TMEM260: variants seen among roughly 807,000 people sequenced by gnomAD.
TMEM260 encodes the protein protein O-mannosyl-transferase TMEM260.
TMEM260 carries 82 observed loss-of-function variants against 88.9 expected under a neutral mutation model. That is an observed-to-expected ratio of 0.92 (90% CI 0.77 to 1.11). The LOEUF (loss-of-function observed/expected upper bound fraction) is 1.11, where lower values mean the gene tolerates loss of function less well. Among genes scored for constraint, TMEM260 ranks in the 50% least tolerant of loss-of-function variants. TMEM260 has a pLI of 0.00. For synonymous variants in TMEM260, 314 were observed against 309.3 expected, an observed-to-expected ratio of 1.02 and a Z score of -0.16; for missense variants, 902 against 853.4, an observed-to-expected ratio of 1.06 and a Z score of -0.71.
At chr14:56,636,279 CT>C (rs567476159) in intron 14 of TMEM260, among the ~76,000 whole-genome samples, 34 of 152,038 alleles carry the variant, frequency 2.2e-4, no homozygotes, top group Admixed American at 1.8e-3. Context: ...TAAGTGTAAG[CT>C]TTTTTTCTAA....
In TMEM260 at chr14:56,647,368, G is replaced by A. The variant is rs200433400; in HGVS notation, c.1995G>A (p.Ser665=). The change falls in exon 16 of 16, where the codon TCG becomes TCA. Residue 665 remains serine, a synonymous_variant. Transcript: ENST00000261556. ...ARDADPEVLL[S]ETIRHFRLYS... ...ATGCAGATCCTGAAGTGCTGTTATC[G>A]GAAACCATCAGACATTTCCGTCTGT... 5.7e-5 allele frequency: 92 copies of A among 1,614,010 alleles called. No individual in the cohort carries two copies. Among genetic ancestry groups the A allele is most frequent in the Non-Finnish European group, 7.1e-5 (84 of 1,180,038 alleles).
chr14:56,653,745 A>AAAAAAAAAAAAACAAC (rs1555343563), downstream of TMEM260, among the ~76,000 whole-genome samples: 5 of 137,366 alleles, frequency 3.6e-5, no homozygotes, highest in Admixed American at 8.1e-5. Context: ...CCAAAACAAA[A>AAAAAAAAAAAAACAAC]AAAAAAAAAA....
At chr14:56,647,180 GT>G in intron 15 of TMEM260, 62 bp from the exon 16 acceptor site, 13 of 1,506,056 alleles carry the variant, frequency 8.6e-6, no homozygotes, top group Non-Finnish European at 1.1e-5. Context: ...GTGTTTTTTT[GT>G]TTTTGAAAAA....
intron 5 of TMEM260, among the ~76,000 whole-genome samples, chr14:56,607,787 G>A (rs1338915284): frequency 6.6e-6 from 1 of 152,122 alleles, no homozygotes. Flanking sequence ...GATCTGGGGT[G>A]AGGCCCAGAC....
the TMEM260 span, among the ~76,000 whole-genome samples, chr14:56,658,818 C>T: frequency 6.6e-6 from 1 of 151,922 alleles, no homozygotes; most frequent in Non-Finnish European, 1.5e-5. Flanking sequence ...GCAACCTCCG[C>T]CTCCCAGGTT....
chr14:56,655,379 T>C (rs142811276), downstream of TMEM260, among the ~76,000 whole-genome samples: 7,000 of 135,010 alleles, frequency 0.052, 422 homozygotes, highest in African/African-American at 0.15. Context: ...CGAGCAAGAC[T>C]CCATCTCAAA....
chr14:56,627,857 A>G (rs1409864701), intron 12 of TMEM260, among the ~76,000 whole-genome samples: 1 of 152,240 alleles, frequency 6.6e-6, no homozygotes, highest in African/African-American at 2.4e-5. Flanking sequence ...CAGTCAGGAC[A>G]CAGAGCAGTC....
At chr14:56,662,544 C>A in the TMEM260 span, among the ~76,000 whole-genome samples, 1 of 152,176 alleles carries the variant, frequency 6.6e-6, no homozygotes, top group Non-Finnish European at 1.5e-5. Context: ...CTGCTACAAC[C>A]AGAACCACCC....
intron 15 of TMEM260, among the ~76,000 whole-genome samples, chr14:56,639,831 A>T (rs1037217265): frequency 2.2e-4 from 34 of 152,150 alleles, no homozygotes; most frequent in African/African-American, 8.2e-4. Flanking sequence ...ACACCAGGAG[A>T]TTATATTCTG....
At chr14:56,651,706 C>G (rs371269996), downstream of TMEM260, among the ~76,000 whole-genome samples, 3 of 152,174 alleles carry the variant, frequency 2.0e-5, no homozygotes, top group East Asian at 3.9e-4. Flanking sequence ...TCTTCTGGTA[C>G]ATAGTTGCCA....
chr14:56,612,378 C>CA, intron 7 of TMEM260, 93 bp downstream of exon 7: 1 of 1,090,128 alleles, frequency 9.2e-7, no homozygotes, highest in Non-Finnish European at 1.4e-6. Context: ...CTCTTTGTAA[C>CA]AAAGTATGTC....
At chr14:56,637,342 A>ATGAT (rs1173490466) in intron 15 of TMEM260, among the ~76,000 whole-genome samples, 2 of 152,194 alleles carry the variant, frequency 1.3e-5, no homozygotes, top group Non-Finnish European at 2.9e-5. Flanking sequence ...ACGAGAAGAG[A>ATGAT]TGATAAAGAG....
intron 5 of TMEM260, among the ~76,000 whole-genome samples, chr14:56,605,946 A>G (rs539090449): frequency 6.6e-6 from 1 of 152,342 alleles, no homozygotes; most frequent in East Asian, 1.9e-4. Flanking sequence ...AAAGGACTTA[A>G]AGCAACAATA....
At chr14:56,591,467 A>G (rs1296518661) in intron 3 of TMEM260, among the ~76,000 whole-genome samples, 1 of 152,214 alleles carries the variant, frequency 6.6e-6, no homozygotes, top group African/African-American at 2.4e-5. Context: ...TACTTTTAGT[A>G]TCTTAACATT....
intron 9 of TMEM260, among the ~76,000 whole-genome samples, chr14:56,618,293 A>G (rs1286564103): frequency 6.6e-6 from 1 of 152,234 alleles, no homozygotes; most frequent in African/African-American, 2.4e-5. Flanking sequence ...GAGTAAAGCA[A>G]AAGCATTTCT....
In TMEM260 at chr14:56,584,028, A is replaced by G. The variant is rs892870189; in HGVS notation, c.161-973A>G. ...TGTGTGTGTGTGTGTGTGTGTGTGTATGTGTTTAGGGGCATGGGGGAAGGC... is the reference window on the plus strand; with the variant it reads ...TGTGTGTGTGTGTGTGTGTGTGTGTGTGTGTTTAGGGGCATGGGGGAAGGC... On this transcript the variant is annotated intron_variant, in intron 1 of 15. Coordinates refer to ENST00000261556, the MANE Select transcript of TMEM260 (RefSeq NM_017799.4). Among the ~76,000 whole-genome samples the G allele has an allele frequency of 4.9e-3, 543 of 111,928 alleles. 6 individuals are homozygous for G. The highest frequency in any genetic ancestry group is 0.016 in the African/African-American group (476 of 28,910). 73.4% of individuals were successfully genotyped at this position (111,928 alleles called of 152,430 possible).
chr14:56,651,633 A>T (rs531940884), downstream of TMEM260, among the ~76,000 whole-genome samples: 37 of 152,348 alleles, frequency 2.4e-4, no homozygotes, highest in Admixed American at 1.2e-3. Flanking sequence ...ACAAAGGCAC[A>T]ATTATGGGGC....
chr14:56,651,312 A>G (rs554264928), downstream of TMEM260, among the ~76,000 whole-genome samples: 33 of 148,546 alleles, frequency 2.2e-4, no homozygotes, highest in African/African-American at 7.9e-4. Context: ...TATCCTGAAA[A>G]AGGGGTTTTT....
chr14:56,635,014 G>T, intron 14 of TMEM260, 62 bp downstream of exon 14: 1 of 1,465,622 alleles, frequency 6.8e-7, no homozygotes, highest in Non-Finnish European at 9.5e-7. Context: ...AGTAGCTTAT[G>T]GCACTTTTAA....
Sources: allele counts gnomAD v4.1 joint callset (sites outside exome capture counted in the v4.1 genomes callset), GRCh38; gene constraint gnomAD v4.1.1; transcripts MANE v1.5; gene names NCBI Gene and HGNC (gene_info 2026-07-23, HGNC 2026-07-21).